The following TMX4 variants were observed in gnomAD, a reference collection of about 807,000 sequenced individuals.
TMX4 encodes the protein thioredoxin-related transmembrane protein 4.
In TMX4, 23 loss-of-function variants were observed where a neutral mutation model predicts 33.3. That is an observed-to-expected ratio of 0.69 (90% confidence interval 0.50 to 0.98). TMX4 has a LOEUF of 0.98. TMX4 is among the 50% of genes least tolerant of loss of function. The probability of loss-of-function intolerance (pLI) is 0.00; values close to 1 mark genes in which losing one functional copy is unlikely to be tolerated. For synonymous variants in TMX4, 164 were observed against 161.5 expected, an observed-to-expected ratio of 1.02 and a Z score of -0.12; for missense variants, 399 against 448.9, an observed-to-expected ratio of 0.89 and a Z score of 1.01.
intron 5 of TMX4, among the ~76,000 whole-genome samples, chr20:7,992,285 G>C (rs1244039720): frequency 6.6e-6 from 1 of 152,180 alleles, no homozygotes; most frequent in Admixed American, 6.5e-5. Context: ...TGTGAGATGG[G>C]TAAAATGTTG....
At chr20:7,996,144 G>A in intron 4 of TMX4, 73 bp from the exon 5 acceptor site, 1 of 1,246,954 alleles carries the variant, frequency 8.0e-7, no homozygotes, top group South Asian at 1.3e-5. Flanking sequence ...AGGTCAGGAG[G>A]ACTGGTCTAT....
chr20:8,004,770 G>A (rs1011890694), intron 2 of TMX4, among the ~76,000 whole-genome samples: 1 of 152,180 alleles, frequency 6.6e-6, no homozygotes, highest in Non-Finnish European at 1.5e-5. Flanking sequence ...ATTAGCCATT[G>A]TTGTACTATT....
chr20:8,010,846 C>T (rs1032354979), intron 1 of TMX4, among the ~76,000 whole-genome samples: 3 of 152,154 alleles, frequency 2.0e-5, no homozygotes, highest in Admixed American at 6.6e-5. Flanking sequence ...ACCCGCTCTA[C>T]CCAACACTTT....
At chr20:7,988,788 G>A (rs1164119874) in intron 5 of TMX4, among the ~76,000 whole-genome samples, 1 of 152,158 alleles carries the variant, frequency 6.6e-6, no homozygotes, top group East Asian at 1.9e-4. Context: ...ACTTTGGGAG[G>A]CCGAGGCGGG....
rs1306743069 is a variant in TMX4, at chr20:7,981,720, T to C, written c.*531A>G. 1 of 152,728 alleles carries C rather than the reference T, an allele frequency of 6.5e-6. No homozygotes were observed. Among genetic ancestry groups the C allele is most frequent in the Non-Finnish European group, 1.5e-5 (1 of 68,438 alleles). The allele number at this position is 152,728 out of a possible 1,614,324, so 9.5% of individuals were successfully genotyped here. On this transcript the variant is annotated 3_prime_UTR_variant, in exon 8 of 8. Coordinates refer to ENST00000246024, the MANE Select transcript of TMX4 (RefSeq NM_021156.4). ...GCACAGGAGATTCAGAGGGCTGGGA[T>C]GACTTCTGAGCTGCTCTCTATACCC...
chr20:7,990,751 T>C (rs1016339316), intron 5 of TMX4, among the ~76,000 whole-genome samples: 9 of 152,208 alleles, frequency 5.9e-5, no homozygotes, highest in Non-Finnish European at 1.0e-4. Flanking sequence ...GAACAAGCCC[T>C]TTATCTCTTT....
intron 2 of TMX4, among the ~76,000 whole-genome samples, 163 bp downstream of exon 2, chr20:8,010,037 G>C (rs1379503276): frequency 6.6e-6 from 1 of 151,810 alleles, no homozygotes. Context: ...ACACATACAC[G>C]TAAAGACAGA....
intron 3 of TMX4, among the ~76,000 whole-genome samples, chr20:8,001,135 T>A (rs1009908288): frequency 6.6e-6 from 1 of 152,196 alleles, no homozygotes; most frequent in Non-Finnish European, 1.5e-5. Context: ...TAGTTCAAAG[T>A]TCTCAAAAGG....
chr20:8,015,522 A>G (rs2050771363), intron 1 of TMX4, among the ~76,000 whole-genome samples: 1 of 152,192 alleles, frequency 6.6e-6, no homozygotes, highest in African/African-American at 2.4e-5. Flanking sequence ...AAATGAACAT[A>G]ACTTATACTA....
intron 2 of TMX4, among the ~76,000 whole-genome samples, chr20:8,009,861 TAAAAA>T (rs11289988): frequency 1.2e-4 from 10 of 84,604 alleles, no homozygotes; most frequent in Admixed American, 3.6e-4. Flanking sequence ...CAAAAAACTG[TAAAAA>T]AAAAAAAAAA....
Position 7,981,508 on chromosome 20 carries a change from A to C in TMX4, c.*743T>G, listed in dbSNP as rs2050605997. On this transcript the variant is annotated 3_prime_UTR_variant, in exon 8 of 8. Transcript: ENST00000246024. ...CAACATTTCATTTGAGATGTTTGGC[A>C]GTCACAGCTTCAGGGGTTATGGTTA... is the stretch of plus-strand genomic sequence containing the variant. The C allele has an allele frequency of 6.6e-6, 1 of 152,190 alleles. No individual in the cohort carries two copies. The highest frequency in any genetic ancestry group is 1.5e-5 in the Non-Finnish European group (1 of 68,040). 9.4% of individuals were successfully genotyped at this position (152,190 alleles called of 1,614,324 possible).
In TMX4 at chr20:8,001,537, C is replaced by A; in HGVS notation, c.297G>T (p.Leu99Phe). ...GAGTGGTGACAAAGAAGCGGCCACT[C>A]AAACCTACAAGAAGCATAAACAGAA... ...GKVDVIQEPG[L>F]SGRFFVTTLP... Residue 99 changes from leucine to phenylalanine, a missense_variant, in exon 3 of 8, where the codon TTG (leucine) becomes TTT (phenylalanine). Physicochemically the swap from Leu to Phe is conservative, Grantham distance 22. Transcript: ENST00000246024. 6.3e-7 allele frequency: 1 copy of A among 1,599,236 alleles called. No individual in the cohort carries two copies. The highest frequency in any genetic ancestry group is 1.3e-5 in the African/African-American group (1 of 74,644).
chr20:7,989,014 C>T (rs2050642723), intron 5 of TMX4, among the ~76,000 whole-genome samples: 2 of 148,424 alleles, frequency 1.3e-5, no homozygotes, highest in Non-Finnish European at 3.0e-5. Context: ...GGCAAGACTC[C>T]GTCTCAAGAA....
intron 1 of TMX4, among the ~76,000 whole-genome samples, chr20:8,018,371 GAGAGA>G (rs2050787027): frequency 1.4e-5 from 1 of 70,194 alleles, no homozygotes; most frequent in African/African-American, 7.6e-5. Flanking sequence ...AGAGAGAGGA[GAGAGA>G]GGAGAGAGAG....
intron 2 of TMX4, among the ~76,000 whole-genome samples, chr20:8,007,045 G>A (rs1337256638): frequency 1.3e-5 from 2 of 152,288 alleles, no homozygotes; most frequent in East Asian, 3.9e-4. Context: ...GGGATTACAG[G>A]CGTGAGCCAC....
At chr20:8,000,284 T>C (rs918944345) in intron 3 of TMX4, among the ~76,000 whole-genome samples, 1 of 152,046 alleles carries the variant, frequency 6.6e-6, no homozygotes, top group Non-Finnish European at 1.5e-5. Flanking sequence ...ATACCCCCCT[T>C]CAACCTGGCC....
chr20:8,000,861 T>C (rs1027234983), intron 3 of TMX4, among the ~76,000 whole-genome samples: 2 of 152,170 alleles, frequency 1.3e-5, no homozygotes, highest in Non-Finnish European at 2.9e-5. Context: ...TTTGTCTCTA[T>C]CTTCCAAACC....
chr20:8,007,777 T>A (rs1187795766), intron 2 of TMX4, among the ~76,000 whole-genome samples: 1 of 152,186 alleles, frequency 6.6e-6, no homozygotes, highest in Non-Finnish European at 1.5e-5. Flanking sequence ...GCTAAACAGG[T>A]CTTGATAAAT....
At chr20:7,985,784 C>G (rs909538212) in intron 6 of TMX4, among the ~76,000 whole-genome samples, 7 of 152,158 alleles carry the variant, frequency 4.6e-5, no homozygotes, top group African/African-American at 1.7e-4. Context: ...TAGAATCACT[C>G]TCTCCTTTCT....
Sources: allele counts gnomAD v4.1 joint callset (sites outside exome capture counted in the v4.1 genomes callset), GRCh38; gene constraint gnomAD v4.1.1; transcripts MANE v1.5; gene names NCBI Gene and HGNC (gene_info 2026-07-23, HGNC 2026-07-21).